TRAF7: variants seen among roughly 807,000 people sequenced by gnomAD.
TRAF7 encodes the protein E3 ubiquitin-protein ligase TRAF7.
Under a neutral mutation model 89.3 loss-of-function variants are expected in TRAF7, and 45 were observed. That is an observed-to-expected ratio of 0.50 (90% CI 0.40 to 0.65). The LOEUF is 0.65. Among genes scored for constraint, TRAF7 ranks in the 30% least tolerant of loss-of-function variants. The pLI is 0.00. For synonymous variants in TRAF7, 406 were observed against 369.2 expected, an observed-to-expected ratio of 1.10 and a Z score of -1.14; for missense variants, 677 against 918.1, an observed-to-expected ratio of 0.74 and a Z score of 3.39.
At chr16:2,174,852 T>A (rs538218547) in intron 14 of TRAF7, among the ~76,000 whole-genome samples, 1 of 152,326 alleles carries the variant, frequency 6.6e-6, no homozygotes, top group African/African-American at 2.4e-5. Flanking sequence ...TGGGACTGAC[T>A]CAGGGCTGAC....
At chr16:2,176,438 G>C in intron 20 of TRAF7, 54 bp downstream of exon 20, 1 of 1,612,356 alleles carries the variant, frequency 6.2e-7, no homozygotes, top group Non-Finnish European at 8.5e-7. Flanking sequence ...TGGAGCGGGG[G>C]TGGGGACGAG....
In TRAF7 at chr16:2,161,258, TC is replaced by T. The variant is rs1187053355; in HGVS notation, c.-38-2623del. Among the ~76,000 whole-genome samples, 1 of 141,112 alleles carries T rather than the reference TC, an allele frequency of 7.1e-6. No individual in the cohort carries two copies. The highest frequency in any genetic ancestry group is 1.5e-5 in the Non-Finnish European group (1 of 64,936). 92.6% of individuals were successfully genotyped at this position (141,112 alleles called of 152,430 possible). A position where few individuals can be genotyped will look rare whatever the true frequency, so the allele number is the denominator to read the frequency against. ...TCCCTCCCTCCGTCCCCTCCCTCCT[TC>T]CGTCCCCCTCAGCTGGCGCTCGATG... On this transcript the variant is annotated intron_variant, in intron 1 of 20. Coordinates refer to ENST00000326181, the MANE Select transcript of TRAF7 (RefSeq NM_032271.3). This position sits in a 1 kb window ranked among gnomAD's most constrained non-coding sequence, Gnocchi z 5.2.
chr16:2,175,466 C>A (rs994894168), intron 16 of TRAF7, 34 bp from the exon 17 acceptor site: 11 of 1,612,182 alleles, frequency 6.8e-6, no homozygotes, highest in African/African-American at 1.3e-5. Flanking sequence ...GCGTCCCTTG[C>A]CCGCCCAGCC....
In TRAF7 at chr16:2,168,023, C is replaced by T. The variant is rs576562664; in HGVS notation, c.140-54C>T. The T allele has an allele frequency of 1.5e-3, 2,353 of 1,553,674 alleles. 4 individuals are homozygous for T. The highest frequency in any genetic ancestry group is 1.9e-3 in the Non-Finnish European group (2,142 of 1,135,474). On this transcript the variant is annotated intron_variant, in intron 3 of 20. Transcript: ENST00000326181. The surrounding 1 kb of genome is among the most constrained non-coding windows in gnomAD (Gnocchi z 4.1). ...GGGTATCCAGCATGGGCCCCACCTC[C>T]CCCACATCTGCTGAGGGAGCCCCCA...
At position 2,175,354 on chromosome 16, in the gene TRAF7, C is replaced by T. The variant is rs1489445687; in HGVS notation, c.1440C>T (p.Asn480=). 1 of 1,613,488 alleles carries T rather than the reference C, an allele frequency of 6.2e-7. No individual in the cohort carries two copies. The highest frequency in any genetic ancestry group is 1.7e-5 in the Admixed American group (1 of 60,002). The change falls in exon 16 of 21, where the codon AAC becomes AAT. Residue 480 remains asparagine, a synonymous_variant. Coordinates refer to ENST00000326181, the MANE Select transcript of TRAF7 (RefSeq NM_032271.3). The part of the protein sequence containing the change: ...QKVNTIRAHD[N]PVCTLVSSHN... ...TGAACACCATCCGGGCCCATGACAACCCGGTGTGCACGCTGGTCTCCTCAC... is the reference window on the plus strand; with the variant it reads ...TGAACACCATCCGGGCCCATGACAATCCGGTGTGCACGCTGGTCTCCTCAC...
At chr16:2,171,123 A>G in intron 5 of TRAF7, 141 bp from the exon 6 acceptor site, 1 of 678,732 alleles carries the variant, frequency 1.5e-6, no homozygotes, top group East Asian at 2.7e-5. Context: ...CAAGCCCCCC[A>G]GCTCTAAGCA....
In TRAF7 at chr16:2,168,363, T is replaced by A. The variant is rs572584238; in HGVS notation, c.231+195T>A. The A allele has an allele frequency of 3.6e-5, 20 of 551,062 alleles. No individual in the cohort carries two copies. The East Asian group carries it at 5.7e-4, about 16-fold the overall frequency. 34.1% of individuals were successfully genotyped at this position (551,062 alleles called of 1,614,324 possible). A position where few individuals can be genotyped will look rare whatever the true frequency, so the allele number is the denominator to read the frequency against. On this transcript the variant is annotated intron_variant, in intron 4 of 20. Transcript: ENST00000326181. This position sits in a 1 kb window ranked among gnomAD's most constrained non-coding sequence, Gnocchi z 4.1. Reference sequence around the variant, plus strand: ...GAGGCTCCTGTGGCTGGACTGTGGGTGGCAGGGGGCAGCCAGTGAGGGCAG... The same window carrying A: ...GAGGCTCCTGTGGCTGGACTGTGGGAGGCAGGGGGCAGCCAGTGAGGGCAG...
chr16:2,168,278 G>T lies in TRAF7; in HGVS notation c.231+110G>T. 1.1e-6 allele frequency: 1 copy of T among 877,004 alleles called. No homozygotes were observed. 54.3% of individuals were successfully genotyped at this position (877,004 alleles called of 1,614,324 possible). ...GACAGTGAGCTGGTGAGGCACAGGA[G>T]AAGAAGAGCACCTGTGGATACCCTG... On this transcript the variant is annotated intron_variant, in intron 4 of 20. Coordinates refer to ENST00000326181, the MANE Select transcript of TRAF7 (RefSeq NM_032271.3). This position sits in a 1 kb window ranked among gnomAD's most constrained non-coding sequence, Gnocchi z 4.1.
Position 2,162,219 on chromosome 16 carries a change from G to A in TRAF7, c.-38-1664G>A, listed in dbSNP as rs2093060784. Among the ~76,000 whole-genome samples, 1 of 152,220 alleles carries A rather than the reference G, an allele frequency of 6.6e-6. No homozygotes were observed. Reference sequence around the variant, plus strand: ...TGGCCTTCCAGGTGGCATTGGAAGGGACAGGTGGGCCTGGGCAGCCTAGAG... The same window carrying A: ...TGGCCTTCCAGGTGGCATTGGAAGGAACAGGTGGGCCTGGGCAGCCTAGAG... On this transcript the variant is annotated intron_variant, in intron 1 of 20. Coordinates refer to ENST00000326181, the MANE Select transcript of TRAF7 (RefSeq NM_032271.3). This position sits in a 1 kb window ranked among gnomAD's most constrained non-coding sequence, Gnocchi z 5.0.
intron 2 of TRAF7, among the ~76,000 whole-genome samples, 184 bp downstream of exon 2, chr16:2,164,185 CGT>C (rs1300860051): frequency 1.2e-4 from 16 of 136,540 alleles, no homozygotes; most frequent in South Asian, 2.2e-4. Context: ...CGCGCGCACG[CGT>C]GCGTGTGTGG....
At position 2,173,377 on chromosome 16, in the gene TRAF7, G is replaced by A. The variant is rs778503414; in HGVS notation, c.990G>A (p.Glu330=). Residue 330 remains glutamate, a synonymous_variant, in exon 10 of 21, where the codon GAG becomes GAA. Coordinates refer to ENST00000326181, the MANE Select transcript of TRAF7 (RefSeq NM_032271.3). ...TCTCGGAGAAGATCGACCAGCTAGA[G>A]AAGAGCCTGGAGCTCAAGTTTGGTG... ...GKLSEKIDQL[E]KSLELKFDVL... is the part of the protein sequence containing the mutation. The A allele has an allele frequency of 1.4e-5, 22 of 1,613,446 alleles. No individual in the cohort carries two copies. Among genetic ancestry groups the A allele is most frequent in the Non-Finnish European group, 1.8e-5 (21 of 1,179,996 alleles).
chr16:2,173,770 C>G lies in TRAF7; in HGVS notation c.1087-18C>G. The G allele has an allele frequency of 6.2e-7, 1 of 1,610,266 alleles. No homozygotes were observed. Among genetic ancestry groups the G allele is most frequent in the Non-Finnish European group, 8.5e-7 (1 of 1,179,736 alleles). On this transcript the variant is annotated intron_variant, in intron 11 of 20. Transcript: ENST00000326181. The stretch of plus-strand genomic sequence containing the variant: ...CAGCCCTGCCCACCTGCCCTCTGCC[C>G]TGCCCTTGGCCCTGCAGGACGAGCT...
At chr16:2,173,899 C>A (rs1380646995) in intron 12 of TRAF7, 22 bp from the exon 13 acceptor site, 1 of 1,571,336 alleles carries the variant, frequency 6.4e-7, no homozygotes, top group Admixed American at 1.7e-5. Flanking sequence ...TGGGCCTTCA[C>A]CCACTGCTCC....
intron 2 of TRAF7, among the ~76,000 whole-genome samples, chr16:2,165,609 T>C (rs905040394): frequency 2.9e-5 from 4 of 138,546 alleles, no homozygotes; most frequent in African/African-American, 5.6e-5. Flanking sequence ...GTGTGAGTGC[T>C]GTGTGGCGCA....
Position 2,172,980 on chromosome 16 carries a change from C to T in TRAF7, c.795-202C>T, listed in dbSNP as rs909957143. Among the ~76,000 whole-genome samples the T allele has an allele frequency of 7.4e-5, 11 of 148,168 alleles. No homozygotes were observed. The South Asian group carries it at 1.1e-3, about 14-fold the overall frequency. ...AGGGAGGACCCCTTGAAGAGCTCTG[C>T]GGGGGTGACGTGATGGGATCTCACT... On this transcript the variant is annotated intron_variant, in intron 9 of 20. Coordinates refer to ENST00000326181, the MANE Select transcript of TRAF7 (RefSeq NM_032271.3).
chr16:2,171,380 C>G (rs1363451483), intron 6 of TRAF7, 24 bp downstream of exon 6: 5 of 1,543,496 alleles, frequency 3.2e-6, no homozygotes. Flanking sequence ...CCTTCCCAGC[C>G]CCCCTGCTGC....
At position 2,173,557 on chromosome 16, in the gene TRAF7, G is replaced by T. The variant is rs772375824; in HGVS notation, c.1086+3G>T. The T allele has an allele frequency of 6.2e-7, 1 of 1,612,602 alleles. No homozygotes were observed. Among genetic ancestry groups the T allele is most frequent in the South Asian group, 1.1e-5 (1 of 91,044 alleles). ...GGCGGGACGCATCCATGTTAAATGT[G>T]AGCGGGCGGGGCTGGAGGGGCTGGG... On this transcript the variant is annotated splice_donor_region_variant and intron_variant, in intron 11 of 20. Coordinates refer to ENST00000326181, the MANE Select transcript of TRAF7 (RefSeq NM_032271.3).
chr16:2,164,668 T>C (rs35819), intron 2 of TRAF7, among the ~76,000 whole-genome samples: 324 of 55,738 alleles, frequency 5.8e-3, no homozygotes, highest in Middle Eastern at 0.021. Flanking sequence ...GTGAGTGCTG[T>C]GTGGCGCGGC....
At chr16:2,170,825 C>A in intron 5 of TRAF7, 95 bp downstream of exon 5, 1 of 1,235,324 alleles carries the variant, frequency 8.1e-7, no homozygotes, top group Non-Finnish European at 1.1e-6. Context: ...CCGCCCAGCT[C>A]ACAGGGAGAG....
Sources: gnomAD v4.1 joint callset for allele counts (sites outside exome capture counted in the v4.1 genomes callset) on GRCh38, gnomAD v4.1.1 for gene constraint, Gnocchi (gnomAD v3.1) non-coding constraint, MANE v1.5 for transcripts, NCBI Gene and HGNC (gene_info 2026-07-23, HGNC 2026-07-21) for gene names.